The following FGF14 variants were observed in gnomAD, a reference collection of about 807,000 sequenced individuals.
The protein encoded by FGF14 is fibroblast growth factor homologous factor 4.
A neutral mutation model predicts 25.5 loss-of-function variants in FGF14; 5 were observed. The observed-to-expected ratio is 0.20, with a 90% CI of 0.10 to 0.41. The LOEUF is 0.41. Ranked by LOEUF, FGF14 falls within the 10% of genes least tolerant of loss-of-function variation. FGF14 has a pLI of 1.00. For synonymous variants in FGF14, 138 were observed against 118.3 expected, an observed-to-expected ratio of 1.17 and a Z score of -1.08; for missense variants, 222 against 320.1, an observed-to-expected ratio of 0.69 and a Z score of 2.34.
intron 1 of FGF14, among the ~76,000 whole-genome samples, chr13:102,143,836 T>C (rs1473699505): frequency 6.6e-6 from 1 of 152,158 alleles, no homozygotes; most frequent in Non-Finnish European, 1.5e-5. Context: ...TGGGGGATGT[T>C]TGTACCTCCT....
intron 1 of FGF14, among the ~76,000 whole-genome samples, chr13:101,975,594 G>A (rs2037871775): frequency 6.6e-6 from 1 of 150,706 alleles, no homozygotes; most frequent in Non-Finnish European, 1.5e-5. Flanking sequence ...AGCTTCCATG[G>A]GCTTGAGCAC....
chr13:102,362,749 A>G (rs2057602431), intron 1 of FGF14, among the ~76,000 whole-genome samples: 1 of 152,194 alleles, frequency 6.6e-6, no homozygotes, highest in Non-Finnish European at 1.5e-5. Context: ...TCCAATGCCA[A>G]AAGAAGAAAG....
intron 1 of FGF14, among the ~76,000 whole-genome samples, chr13:102,034,995 C>A (rs550054686): frequency 5.1e-4 from 77 of 152,186 alleles, no homozygotes; most frequent in African/African-American, 1.8e-3. Context: ...ATCTTCTGTG[C>A]TGTTTCCACC....
intron 1 of FGF14, among the ~76,000 whole-genome samples, chr13:102,126,668 T>C (rs2045962231): frequency 6.6e-6 from 1 of 152,228 alleles, no homozygotes; most frequent in Non-Finnish European, 1.5e-5. Flanking sequence ...GCAACCATAC[T>C]TCAATTTTAT....
intron 1 of FGF14, among the ~76,000 whole-genome samples, chr13:101,897,237 T>C (rs2030830888): frequency 6.6e-6 from 1 of 152,198 alleles, no homozygotes; most frequent in Non-Finnish European, 1.5e-5. Flanking sequence ...ATGCATTATC[T>C]CATTCAAGTT....
At chr13:102,218,623 A>G (rs1168972746) in intron 1 of FGF14, among the ~76,000 whole-genome samples, 1 of 152,008 alleles carries the variant, frequency 6.6e-6, no homozygotes, top group Non-Finnish European at 1.5e-5. Context: ...TTCTATGTTA[A>G]AGGGCCACCA....
intron 1 of FGF14, among the ~76,000 whole-genome samples, chr13:101,933,719 A>G (rs570953623): frequency 2.6e-5 from 4 of 152,188 alleles, no homozygotes; most frequent in South Asian, 4.1e-4. Context: ...GTGAGACTCT[A>G]TCTCAAAAAA....
Position 102,094,495 on chromosome 13 carries a change from C to G in FGF14, c.209-219199G>C, listed in dbSNP as rs1432054686. On this transcript the variant is annotated intron_variant, in intron 1 of 4. Coordinates refer to the FGF14 transcript ENST00000376131. The stretch of plus-strand genomic sequence containing the variant: ...GGTTTTTAATGCAGACAAAAGTGCT[C>G]TATTCTGGAGGGGGCAGGGAATCCA... Among the ~76,000 whole-genome samples, 3 of 152,074 alleles carry G rather than the reference C, an allele frequency of 2.0e-5. No homozygotes were observed. The East Asian group carries it at 5.8e-4, about 29-fold the overall frequency.
At chr13:102,055,671 A>G (rs990684687) in intron 1 of FGF14, among the ~76,000 whole-genome samples, 3 of 152,166 alleles carry the variant, frequency 2.0e-5, no homozygotes, top group African/African-American at 7.2e-5. Context: ...TTGAGATTCA[A>G]TGTTCAGTGG....
At chr13:102,111,993 G>C (rs2045252529) in intron 1 of FGF14, among the ~76,000 whole-genome samples, 1 of 152,088 alleles carries the variant, frequency 6.6e-6, no homozygotes, top group South Asian at 2.1e-4. Flanking sequence ...CCTCAGTTTG[G>C]TAAGTTAGTC....
chr13:102,157,615 A>C (rs1004621709), intron 1 of FGF14, among the ~76,000 whole-genome samples: 1 of 152,354 alleles, frequency 6.6e-6, no homozygotes, highest in East Asian at 1.9e-4. Context: ...CTTCATGTCT[A>C]AAACACCAAA....
chr13:102,306,380 G>A (rs1171042667), intron 1 of FGF14, among the ~76,000 whole-genome samples: 19 of 151,810 alleles, frequency 1.3e-4, no homozygotes, highest in African/African-American at 3.9e-4. Flanking sequence ...TGCAGGGCAG[G>A]GAAGACATAT....
At chr13:102,251,125 A>G (rs1192600719) in intron 1 of FGF14, among the ~76,000 whole-genome samples, 1 of 152,204 alleles carries the variant, frequency 6.6e-6, no homozygotes, top group Non-Finnish European at 1.5e-5. Flanking sequence ...CATGAATGCT[A>G]TATTCATTAT....
chr13:101,762,233 A>G (rs925191742), intron 3 of FGF14, among the ~76,000 whole-genome samples: 2 of 152,252 alleles, frequency 1.3e-5, no homozygotes, highest in African/African-American at 4.8e-5. Flanking sequence ...AGAATGCTGC[A>G]GTAAATCTTG....
chr13:101,932,091 A>G (rs1316783794), intron 1 of FGF14, among the ~76,000 whole-genome samples: 1 of 152,206 alleles, frequency 6.6e-6, no homozygotes, highest in Non-Finnish European at 1.5e-5. Context: ...GTGGAAACGC[A>G]TTTCTTTCAT....
At chr13:102,026,121 T>C (rs535696697) in intron 1 of FGF14, among the ~76,000 whole-genome samples, 1 of 152,156 alleles carries the variant, frequency 6.6e-6, no homozygotes, top group East Asian at 1.9e-4. Context: ...TCTCTTCTGT[T>C]CCTAGTCTGC....
rs114475203 is a variant in FGF14 at position 101,782,453 on chromosome 13, G to C, written c.409-55643C>G. On this transcript the variant is annotated intron_variant, in intron 3 of 4. Transcript: ENST00000376143. The stretch of plus-strand genomic sequence containing the variant: ...TTACATAGGTCACCTGTATCATGGG[G>C]ATTTGTTGCACGGATTATTTCATCA... Among the ~76,000 whole-genome samples, 950 of 152,236 alleles carry C rather than the reference G, an allele frequency of 6.2e-3. 10 individuals are homozygous for C. The highest frequency in any genetic ancestry group is 0.022 in the African/African-American group (898 of 41,534).
At chr13:102,092,992 G>T (rs1376861394) in intron 1 of FGF14, among the ~76,000 whole-genome samples, 1 of 152,124 alleles carries the variant, frequency 6.6e-6, no homozygotes, top group Non-Finnish European at 1.5e-5. Context: ...CACATGCGTG[G>T]TTGATATACA....
chr13:102,178,002 A>G (rs1256462563), intron 1 of FGF14, among the ~76,000 whole-genome samples: 2 of 152,002 alleles, frequency 1.3e-5, no homozygotes, highest in Non-Finnish European at 2.9e-5. Flanking sequence ...TCCCCTGACC[A>G]CAGCACCGCA....
Sources: allele counts gnomAD v4.1 joint callset (sites outside exome capture counted in the v4.1 genomes callset), GRCh38; gene constraint gnomAD v4.1.1; transcripts MANE v1.5; gene names NCBI Gene and HGNC (gene_info 2026-07-23, HGNC 2026-07-21).